Variants in PTPN22 observed in about 807,000 individuals in gnomAD.
PTPN22 encodes protein tyrosine phosphatase non-receptor type 22, also known as tyrosine-protein phosphatase non-receptor type 22.
PTPN22 carries 85 observed loss-of-function variants against 103.3 expected under a neutral mutation model. The observed-to-expected ratio is 0.82, with a 90% confidence interval of 0.69 to 0.99. The LOEUF (loss-of-function observed/expected upper bound fraction) is 0.99. PTPN22 is among the 50% of genes least tolerant of loss of function. The probability of loss-of-function intolerance (pLI) is 0.00; values close to 1 mark genes in which losing one functional copy is unlikely to be tolerated. For synonymous variants in PTPN22, 323 were observed against 310.2 expected (o/e 1.04, Z -0.43); for missense variants, 865 against 936.9 (o/e 0.92, Z 1.00).
chr1:113,825,619 A>C (rs1398708788), intron 18 of PTPN22, among the ~76,000 whole-genome samples: 6 of 152,132 alleles, frequency 3.9e-5, no homozygotes, highest in Non-Finnish European at 8.8e-5. Flanking sequence ...CCAGGAGTTC[A>C]AGGCTACAGT....
intron 20 of PTPN22, chr1:113,819,374 C>T (rs1661409426): frequency 3.2e-6 from 1 of 311,166 alleles, no homozygotes; most frequent in Non-Finnish European, 5.8e-6. Context: ...CTTTATTTTC[C>T]ACATATACTA....
rs541389387 is a variant in PTPN22, at chr1:113,828,014, T to C, written c.2250+1578A>G. 1.7e-4 allele frequency among the ~76,000 whole-genome samples: 26 copies of C among 152,338 alleles called. No homozygotes were observed. The South Asian group carries it at 5.4e-3, about 32-fold the overall frequency. On this transcript the variant is annotated intron_variant, in intron 18 of 20. Transcript: ENST00000359785. Reference sequence around the variant, plus strand: ...TTTTCATTATGAATGAAATTGAACATATCAAATATATAAAGGGCATACCAT... The same window carrying C: ...TTTTCATTATGAATGAAATTGAACACATCAAATATATAAAGGGCATACCAT...
chr1:113,837,672 A>G, exon 13 of PTPN22: 1 of 1,604,590 alleles, frequency 6.2e-7, no homozygotes, highest in Non-Finnish European at 8.5e-7. Context: ...AATTGTAATA[A>G]GAGAAGAGGG....
At chr1:113,852,227 A>T in intron 9 of PTPN22, 123 bp from the exon 10 acceptor site, 1 of 673,610 alleles carries the variant, frequency 1.5e-6, no homozygotes, top group Non-Finnish European at 2.5e-6. Context: ...CAGAAAAATG[A>T]TGCATTTTTA....
At chr1:113,838,828 T>C (rs1663258538) in intron 11 of PTPN22, among the ~76,000 whole-genome samples, 1 of 152,222 alleles carries the variant, frequency 6.6e-6, no homozygotes, top group African/African-American at 2.4e-5. Context: ...AATAGTATTA[T>C]AGAAACTAGA....
intron 10 of PTPN22, among the ~76,000 whole-genome samples, chr1:113,849,068 A>G (rs896067300): frequency 6.6e-5 from 10 of 152,182 alleles, no homozygotes; most frequent in African/African-American, 2.2e-4. Flanking sequence ...TTCAATGTCT[A>G]TGCTTTAATT....
intron 14 of PTPN22, 108 bp from the exon 15 acceptor site, chr1:113,834,547 C>G: frequency 8.6e-7 from 1 of 1,164,070 alleles, no homozygotes; most frequent in Non-Finnish European, 1.2e-6. Context: ...GAGAAGTAAT[C>G]TAGTTAATTC....
chr1:113,863,906 A>T (rs1337306030), intron 1 of PTPN22, among the ~76,000 whole-genome samples: 2 of 95,182 alleles, frequency 2.1e-5, no homozygotes, highest in Admixed American at 9.9e-5. Context: ...ATATTTAATA[A>T]ATATATATAT....
At position 113,871,399 on chromosome 1, in the gene PTPN22, CT is replaced by C. The variant is rs942057521; in HGVS notation, c.87+137del. The C allele has an allele frequency of 1.1e-3, 661 of 593,964 alleles. 1 individual carries two copies. The highest frequency in any genetic ancestry group is 1.6e-3 in the South Asian group (73 of 44,750). The allele number at this position is 593,964 out of a possible 1,614,324, so 36.8% of individuals were successfully genotyped here. On this transcript the variant is annotated intron_variant, in intron 1 of 20. Coordinates refer to ENST00000359785, the Ensembl canonical transcript of PTPN22. ...ATGCAAACCACTCAGAGAAGTCAAA[CT>C]TTTTTTTTTCTGTCTTCCCCGCCAA...
At chr1:113,850,634 T>G (rs992023782) in intron 10 of PTPN22, among the ~76,000 whole-genome samples, 8 of 152,226 alleles carry the variant, frequency 5.3e-5, no homozygotes, top group African/African-American at 1.7e-4. Context: ...AGGTTGAATA[T>G]AGAAAACACC....
chr1:113,862,044 G>GCC (rs1285019075), intron 1 of PTPN22, among the ~76,000 whole-genome samples: 1 of 152,028 alleles, frequency 6.6e-6, no homozygotes. Flanking sequence ...ACTTTGGGAT[G>GCC]CCGAGGCAGG....
chr1:113,819,678 A>T (rs1331663647), intron 19 of PTPN22, 24 bp from the exon 20 acceptor site: 1 of 1,517,118 alleles, frequency 6.6e-7, no homozygotes, highest in Non-Finnish European at 9.1e-7. Context: ...AAAAAAATAT[A>T]AGGGAAAGAC....
chr1:113,866,273 G>A (rs957437491), intron 1 of PTPN22, among the ~76,000 whole-genome samples: 1 of 152,126 alleles, frequency 6.6e-6, no homozygotes, highest in African/African-American at 2.4e-5. Flanking sequence ...AGTACTTTGG[G>A]AGGCCAAGGC....
rs1430599689 is a variant in PTPN22, at chr1:113,848,526, A to G, written c.915+14T>C. The G allele has an allele frequency of 3.1e-6, 5 of 1,610,722 alleles. 1 individual carries two copies. In the South Asian group the frequency reaches 4.4e-5, roughly 14 times the overall value. On this transcript the variant is annotated intron_variant, in intron 11 of 20. Coordinates refer to ENST00000359785, the Ensembl canonical transcript of PTPN22. ...TGAAAATTTTTTTGACATAATATCT[A>G]GTTTAAATTTTACCTCTGTTCCAGA...
chr1:113,831,268 C>T (rs973205112), intron 16 of PTPN22, among the ~76,000 whole-genome samples: 2 of 152,258 alleles, frequency 1.3e-5, no homozygotes, highest in East Asian at 3.9e-4. Flanking sequence ...GTAAAATACA[C>T]ATAAGATTTG....
chr1:113,830,982 T>C (rs1416126719), intron 16 of PTPN22, among the ~76,000 whole-genome samples: 3 of 152,214 alleles, frequency 2.0e-5, no homozygotes, highest in Admixed American at 6.5e-5. Context: ...GTAGTACTTA[T>C]TTCTAGCACC....
intron 1 of PTPN22, among the ~76,000 whole-genome samples, chr1:113,870,186 T>A (rs1211155616): frequency 6.6e-6 from 1 of 152,168 alleles, no homozygotes; most frequent in African/African-American, 2.4e-5. Flanking sequence ...TTATTGATAT[T>A]TAATCATCAC....
At chr1:113,871,435 T>C in intron 1 of PTPN22, 102 bp downstream of exon 1, 2 of 917,440 alleles carry the variant, frequency 2.2e-6, no homozygotes, top group Non-Finnish European at 3.4e-6. Context: ...AGGTCTCATA[T>C]TTACTTTATC....
chr1:113,829,657 T>C, exon 18 of PTPN22: 1 of 1,610,214 alleles, frequency 6.2e-7, no homozygotes, highest in Non-Finnish European at 8.5e-7. Flanking sequence ...GAATTTTCCA[T>C]GGTGTCAGGA....
Sources: allele counts gnomAD v4.1 joint callset (sites outside exome capture counted in the v4.1 genomes callset), GRCh38; gene constraint gnomAD v4.1.1; transcripts MANE v1.5; gene names NCBI Gene and HGNC (gene_info 2026-07-23, HGNC 2026-07-21).